Variants in NFKB1 observed in about 807,000 individuals in gnomAD.
NFKB1 encodes nuclear factor NF-kappa-B p105 subunit.
NFKB1 carries 9 observed loss-of-function variants against 105.1 expected under a neutral mutation model. The ratio of observed to expected loss-of-function variants is 0.09; its 90% CI spans 0.05 to 0.15. NFKB1 has a LOEUF of 0.15. Among genes scored for constraint, NFKB1 ranks in the 10% least tolerant of loss-of-function variants. The pLI is 1.00. For missense variants in NFKB1, 830 were observed against 1,203.7 expected (o/e 0.69, Z 4.59); for synonymous variants, 440 against 442.2 (o/e 1.00, Z 0.06).
chr4:102,514,464 C>A (rs935320187), intron 1 of NFKB1, among the ~76,000 whole-genome samples: 1 of 152,268 alleles, frequency 6.6e-6, no homozygotes, highest in Non-Finnish European at 1.5e-5. Flanking sequence ...CTGCCAGTTG[C>A]GGACACAGCA....
At chr4:102,524,976 G>A (rs1740814086) in intron 1 of NFKB1, among the ~76,000 whole-genome samples, 1 of 152,120 alleles carries the variant, frequency 6.6e-6, no homozygotes, top group South Asian at 2.1e-4. Flanking sequence ...GTTTGGGGAC[G>A]CCTGCACTAG....
chr4:102,525,414 G>A, intron 1 of NFKB1, 98 bp from the exon 2 acceptor site: 6 of 1,131,422 alleles, frequency 5.3e-6, no homozygotes, highest in Non-Finnish European at 6.6e-6. Context: ...GGTCTTACTG[G>A]TATAATACAG....
chr4:102,523,043 A>G (rs1365344340), intron 1 of NFKB1, among the ~76,000 whole-genome samples: 2 of 152,346 alleles, frequency 1.3e-5, no homozygotes, highest in East Asian at 3.9e-4. Context: ...TTTGCTAATT[A>G]ACATATTCTA....
At chr4:102,535,049 G>T (rs973880545) in intron 4 of NFKB1, among the ~76,000 whole-genome samples, 1 of 152,124 alleles carries the variant, frequency 6.6e-6, no homozygotes, top group African/African-American at 2.4e-5. Context: ...GTTCTTGCAG[G>T]TGTCACATCC....
intron 7 of NFKB1, chr4:102,577,929 C>T: frequency 2.0e-6 from 2 of 985,450 alleles, no homozygotes; most frequent in Non-Finnish European, 2.4e-6. Flanking sequence ...AGTTCTGTAT[C>T]TTGTTGCTGC....
chr4:102,551,770 A>G (rs1246248463), intron 5 of NFKB1, among the ~76,000 whole-genome samples: 3 of 152,172 alleles, frequency 2.0e-5, no homozygotes, highest in South Asian at 2.1e-4. Flanking sequence ...ATACAGCCCT[A>G]TAAGGTTCTT....
chr4:102,596,043 T>C, intron 13 of NFKB1, 95 bp from the exon 14 acceptor site: 1 of 754,274 alleles, frequency 1.3e-6, no homozygotes, highest in Non-Finnish European at 2.0e-6. Context: ...TGCAGCAAAC[T>C]TGTCTCTTAC....
intron 15 of NFKB1, among the ~76,000 whole-genome samples, chr4:102,597,914 A>G (rs1560708357): frequency 6.6e-6 from 1 of 152,206 alleles, no homozygotes; most frequent in African/African-American, 2.4e-5. Context: ...CAAGAAAACT[A>G]AGATGTGTGT....
intron 11 of NFKB1, among the ~76,000 whole-genome samples, chr4:102,592,468 A>G (rs946607547): frequency 2.0e-5 from 3 of 152,204 alleles, no homozygotes; most frequent in Non-Finnish European, 4.4e-5. Context: ...ATCAACATTG[A>G]GGCAAGACCT....
chr4:102,610,324 G>T (rs1049375154), intron 19 of NFKB1, among the ~76,000 whole-genome samples: 3 of 152,202 alleles, frequency 2.0e-5, no homozygotes, highest in Admixed American at 2.0e-4. Flanking sequence ...AAGAGTATTT[G>T]AAGTCTTTTT....
rs1024781591 is a variant in NFKB1 at position 102,553,104 on chromosome 4, C to T, written c.259-13883C>T. Among the ~76,000 whole-genome samples the T allele has an allele frequency of 2.6e-5, 4 of 152,138 alleles. No homozygotes were observed. In the East Asian group the frequency reaches 7.7e-4, roughly 29 times the overall value. ...AAATGCTCTTTATCTTATGTACTTT[C>T]CTTCTGAAGAAAGGGACAGTTAATT... is the stretch of plus-strand genomic sequence containing the variant. On this transcript the variant is annotated intron_variant, in intron 5 of 23. Transcript: ENST00000226574.
At chr4:102,520,148 A>G (rs1326814821) in intron 1 of NFKB1, among the ~76,000 whole-genome samples, 1 of 152,176 alleles carries the variant, frequency 6.6e-6, no homozygotes, top group Non-Finnish European at 1.5e-5. Flanking sequence ...AACGTTGCCA[A>G]ATGACCCCTG....
intron 10 of NFKB1, 109 bp downstream of exon 10, chr4:102,583,066 A>T: frequency 1.5e-6 from 1 of 672,438 alleles, no homozygotes; most frequent in East Asian, 2.8e-5. Flanking sequence ...TGTATCCCCC[A>T]ACTGTTGGGC....
intron 1 of NFKB1, among the ~76,000 whole-genome samples, chr4:102,522,404 A>G (rs1361290714): frequency 6.6e-6 from 1 of 152,192 alleles, no homozygotes; most frequent in Admixed American, 6.5e-5. Context: ...GACTGCTGTT[A>G]GGCTTTTGAA....
At chr4:102,513,652 A>C (rs1739923282) in intron 1 of NFKB1, among the ~76,000 whole-genome samples, 1 of 152,154 alleles carries the variant, frequency 6.6e-6, no homozygotes, top group Non-Finnish European at 1.5e-5. Context: ...TCTACAGTCT[A>C]TTGATTCTAA....
intron 13 of NFKB1, 129 bp from the exon 14 acceptor site, chr4:102,596,009 A>T: frequency 1.9e-6 from 1 of 518,128 alleles, no homozygotes; most frequent in Non-Finnish European, 3.3e-6. Context: ...AAAGAATTTT[A>T]AATTATTATT....
chr4:102,516,285 G>C (rs1373417210), intron 1 of NFKB1, among the ~76,000 whole-genome samples: 1 of 151,566 alleles, frequency 6.6e-6, no homozygotes, highest in African/African-American at 2.4e-5. Flanking sequence ...TTGGATCTGT[G>C]GGTTGATTTT....
In NFKB1 at chr4:102,516,370, G is replaced by A. The variant is rs544862997; in HGVS notation, c.-7-9142G>A. Among the ~76,000 whole-genome samples, 17 of 152,022 alleles carry A rather than the reference G, an allele frequency of 1.1e-4. No individual in the cohort carries two copies. The South Asian group carries it at 3.3e-3, about 30-fold the overall frequency. ...TTTTCTGTCTTTTTTCTGTTTCTGG[G>A]ATTCTATGTTACAAATACGTAAGAC... On this transcript the variant is annotated intron_variant, in intron 1 of 23. Coordinates refer to ENST00000226574, the MANE Select transcript of NFKB1 (RefSeq NM_003998.4).
chr4:102,540,570 A>AT (rs3836561), intron 5 of NFKB1, among the ~76,000 whole-genome samples: 110,810 of 152,104 alleles, frequency 0.73, 41,716 homozygotes, highest in African/African-American at 0.92. Context: ...GTATCCATTT[A>AT]TAAGCATTTA....
Sources: allele counts gnomAD v4.1 joint callset (sites outside exome capture counted in the v4.1 genomes callset), GRCh38; gene constraint gnomAD v4.1.1; transcripts MANE v1.5; gene names NCBI Gene and HGNC (gene_info 2026-07-23, HGNC 2026-07-21).